Variants in PARD3 observed in about 807,000 individuals in gnomAD.
PARD3 encodes the protein par-3 family cell polarity regulator.
Under a neutral mutation model 155.4 loss-of-function variants are expected in PARD3, and 75 were observed. That is an observed-to-expected ratio of 0.48 (90% CI 0.40 to 0.58). The LOEUF is 0.58. Among genes scored for constraint, PARD3 ranks in the 20% least tolerant of loss-of-function variants. The pLI is 0.00. For missense variants in PARD3, 1,642 were observed against 1,721.7 expected, an observed-to-expected ratio of 0.95 and a Z score of 0.82; for synonymous variants, 576 against 610.5, an observed-to-expected ratio of 0.94 and a Z score of 0.83.
At chr10:34,792,763 T>C (rs571837588) in intron 1 of PARD3, among the ~76,000 whole-genome samples, 1 of 152,340 alleles carries the variant, frequency 6.6e-6, no homozygotes, top group South Asian at 2.1e-4. Context: ...TACAGGCTGC[T>C]GGGTGAACAC....
intron 22 of PARD3, among the ~76,000 whole-genome samples, chr10:34,229,706 C>G (rs1952817747): frequency 6.6e-6 from 1 of 151,772 alleles, no homozygotes; most frequent in Admixed American, 6.6e-5. Flanking sequence ...CTCAAAAACT[C>G]CAGGTCACAA....
rs80103048 is a variant in PARD3 at position 34,628,033 on chromosome 10, T to C, written c.222+68285A>G. ...GCTGAGTTTACACGTTGTGCCCTAA[T>C]CTGCCCCACTCTCCTGGGATTTGCA... On this transcript the variant is annotated intron_variant, in intron 2 of 24. Coordinates refer to ENST00000374788, the MANE Select transcript of PARD3 (RefSeq NM_001184785.2). 9.4e-3 allele frequency among the ~76,000 whole-genome samples: 1,435 copies of C among 152,190 alleles called. 26 individuals are homozygous for C. Among genetic ancestry groups the C allele is most frequent in the African/African-American group, 0.033 (1,358 of 41,528 alleles).
intron 22 of PARD3, among the ~76,000 whole-genome samples, chr10:34,253,983 C>T (rs1035104532): frequency 6.6e-6 from 1 of 152,086 alleles, no homozygotes; most frequent in African/African-American, 2.4e-5. Flanking sequence ...GGGTACAGCA[C>T]GCACATTGCT....
chr10:34,276,022 A>G (rs1192024276), intron 21 of PARD3, among the ~76,000 whole-genome samples: 1 of 152,180 alleles, frequency 6.6e-6, no homozygotes, highest in Non-Finnish European at 1.5e-5. Context: ...TAAACATTTC[A>G]GTAAGTCCTT....
At position 34,413,180 on chromosome 10, in the gene PARD3, C is replaced by CACACACACACACAT. The variant is rs775445941; in HGVS notation, c.715-11264_715-11263insATGTGTGTGTGTGT. On this transcript the variant is annotated intron_variant, in intron 5 of 24. Coordinates refer to ENST00000374788, the MANE Select transcript of PARD3 (RefSeq NM_001184785.2). Reference sequence around the variant, plus strand: ...ACACACACACACACACACACACACACATATATATAAGACTTTGTAACTGAT... The same window carrying CACACACACACACAT: ...ACACACACACACACACACACACACACACACACACACACATATATATATAAGACTTTGTAACTGAT... 5.2e-3 allele frequency among the ~76,000 whole-genome samples: 748 copies of CACACACACACACAT among 145,096 alleles called. 5 individuals are homozygous for CACACACACACACAT. Among genetic ancestry groups the CACACACACACACAT allele is most frequent in the African/African-American group, 0.016 (630 of 39,496 alleles).
chr10:34,615,184 C>T (rs955468483), intron 2 of PARD3, among the ~76,000 whole-genome samples: 1 of 151,790 alleles, frequency 6.6e-6, no homozygotes, highest in Non-Finnish European at 1.5e-5. Context: ...AGTGAGGCTC[C>T]GTCTACTAAA....
At chr10:34,528,856 G>A (rs993087807) in intron 2 of PARD3, among the ~76,000 whole-genome samples, 13 of 152,122 alleles carry the variant, frequency 8.5e-5, no homozygotes, top group African/African-American at 3.1e-4. Flanking sequence ...AAGTCATGAG[G>A]GCCAAGGCTA....
chr10:34,628,876 G>A (rs2092121481), intron 2 of PARD3, among the ~76,000 whole-genome samples: 1 of 152,226 alleles, frequency 6.6e-6, no homozygotes, highest in Non-Finnish European at 1.5e-5. Flanking sequence ...TTACAGAGAG[G>A]AGTGGTTCAC....
intron 22 of PARD3, among the ~76,000 whole-genome samples, chr10:34,160,554 T>C (rs1489510940): frequency 6.6e-6 from 1 of 152,236 alleles, no homozygotes; most frequent in Non-Finnish European, 1.5e-5. Context: ...CAGTGAATAA[T>C]TGCTGTGCAA....
At position 34,131,492 on chromosome 10, in the gene PARD3, G is replaced by A. The variant is rs1164119666; in HGVS notation, c.3511C>T (p.Arg1171Trp). 5 of 1,613,960 alleles carry A rather than the reference G, an allele frequency of 3.1e-6. No individual in the cohort carries two copies. Among genetic ancestry groups the A allele is most frequent in the South Asian group, 1.1e-5 (1 of 91,080 alleles). ...GGTTGCTCAAAACTATAGGTCCGCC[G>A]ACGATCTTCTACATCTTCATCTTGC... ...AKQDEDVEDRRRTYSFEQPWP... is the reference protein window; with the variant it reads ...AKQDEDVEDRWRTYSFEQPWP... The change falls in exon 23 of 25, where the codon CGG (arginine) becomes TGG (tryptophan). Residue 1171 changes from arginine to tryptophan, a missense_variant. Arg to Trp is a moderately radical substitution (Grantham distance 101). This residue lies in a region of PARD3 where 1,529 missense variants were observed against 1,587.3 expected (regional missense o/e 0.96). Transcript: ENST00000374788.
At chr10:34,679,958 G>A (rs986477147) in intron 2 of PARD3, among the ~76,000 whole-genome samples, 2 of 152,212 alleles carry the variant, frequency 1.3e-5, no homozygotes, top group Middle Eastern at 3.4e-3. Flanking sequence ...AAGGTGTGAG[G>A]ACAGAAAATT....
chr10:34,472,134 TAAC>T (rs1702104380), intron 3 of PARD3, among the ~76,000 whole-genome samples: 1 of 152,178 alleles, frequency 6.6e-6, no homozygotes, highest in African/African-American at 2.4e-5. Context: ...GATTCAATAA[TAAC>T]AACACAGTCT....
At chr10:34,279,357 G>T (rs554821678) in intron 21 of PARD3, among the ~76,000 whole-genome samples, 1 of 151,440 alleles carries the variant, frequency 6.6e-6, no homozygotes, top group South Asian at 2.1e-4. Context: ...TACAAAGCAG[G>T]TTAACAGATT....
chr10:34,672,486 T>G (rs1590559334), intron 2 of PARD3, among the ~76,000 whole-genome samples: 2 of 152,204 alleles, frequency 1.3e-5, no homozygotes, highest in South Asian at 4.1e-4. Flanking sequence ...GTACCGTGTT[T>G]CCTAACTTTA....
chr10:34,608,325 C>T (rs1462006698), intron 2 of PARD3, among the ~76,000 whole-genome samples: 2 of 152,032 alleles, frequency 1.3e-5, no homozygotes, highest in South Asian at 2.1e-4. Context: ...ACGTATATAG[C>T]GTAAGAGATA....
intron 2 of PARD3, among the ~76,000 whole-genome samples, chr10:34,575,370 C>T (rs978916976): frequency 2.6e-5 from 4 of 152,166 alleles, no homozygotes; most frequent in Non-Finnish European, 5.9e-5. Flanking sequence ...TGATTTTAAA[C>T]TCTTGGGACA....
At position 34,374,997 on chromosome 10, in the gene PARD3, A is replaced by G. The variant is rs774055980; in HGVS notation, c.1545T>C (p.Asn515=). 3.1e-6 allele frequency: 5 copies of G among 1,613,044 alleles called. No homozygotes were observed. The South Asian group carries it at 3.3e-5, about 11-fold the overall frequency. ...GGGATTTGCCCACTAAATCTACTCC[A>G]TTTACCTAAAACAAAACAAAAGTTT... ...LKAGDRLIEV[N]GVDLVGKSQE... is the part of the protein sequence containing the mutation. Residue 515 remains asparagine, a synonymous_variant, in exon 11 of 25, where the codon AAT becomes AAC. Transcript: ENST00000374788.
intron 1 of PARD3, among the ~76,000 whole-genome samples, chr10:34,805,854 G>A: frequency 6.6e-6 from 1 of 151,882 alleles, no homozygotes; most frequent in Non-Finnish European, 1.5e-5. Flanking sequence ...GTGGGCACCT[G>A]TAGTCCCAGC....
Position 34,347,977 on chromosome 10 carries a change from T to G in PARD3, c.2206A>C (p.Ser736Arg). The G allele has an allele frequency of 6.2e-7, 1 of 1,612,394 alleles. No individual in the cohort carries two copies. ...DESPSRNAALSRIMGKYQLSP... is the reference protein window; with the variant it reads ...DESPSRNAALRRIMGKYQLSP... The stretch of plus-strand genomic sequence containing the variant: ...TTACCTGACTCACCCATTATCCTAC[T>G]GAGGGCAGCATTTCTGCTGGGCGAT... The change falls in exon 15 of 25, where the codon AGT (serine) becomes CGT (arginine). Residue 736 changes from serine to arginine, a missense_variant. Transcript: ENST00000374788.
Sources: allele counts gnomAD v4.1 joint callset (sites outside exome capture counted in the v4.1 genomes callset), GRCh38; gene constraint gnomAD v4.1.1; regional missense constraint gnomAD v4.1.1; transcripts MANE v1.5; gene names NCBI Gene and HGNC (gene_info 2026-07-23, HGNC 2026-07-21).